Variants in SUMF1 observed in about 807,000 individuals in gnomAD.
SUMF1 encodes the protein formylglycine-generating enzyme.
SUMF1 carries 48 observed loss-of-function variants against 47.6 expected under a neutral mutation model. The observed-to-expected ratio is 1.01, with a 90% confidence interval of 0.80 to 1.28. The LOEUF is 1.28. SUMF1 is among the 50% of genes most tolerant of loss of function. The pLI is 0.00. For synonymous variants in SUMF1, 230 were observed against 192.1 expected (o/e 1.20, Z -1.63); for missense variants, 571 against 485.4 (o/e 1.18, Z -1.66).
chr3:4,133,659 G>A (rs371059672), intron 8 of SUMF1, among the ~76,000 whole-genome samples: 20 of 151,998 alleles, frequency 1.3e-4, no homozygotes, highest in African/African-American at 4.1e-4. Context: ...TCTTTCTCCC[G>A]TGCTGGATGC....
At chr3:4,317,407 G>A in intron 8 of SUMF1, 1 of 611,918 alleles carries the variant, frequency 1.6e-6, no homozygotes, top group East Asian at 2.9e-5. Context: ...ATGTGGCCTG[G>A]CATGGTGGCT....
chr3:4,191,314 C>A (rs559621593), intron 8 of SUMF1, among the ~76,000 whole-genome samples: 1 of 152,156 alleles, frequency 6.6e-6, no homozygotes, highest in Non-Finnish European at 1.5e-5. Flanking sequence ...CAGCAAGCCA[C>A]ACTTTGGTGC....
intron 8 of SUMF1, among the ~76,000 whole-genome samples, chr3:4,183,220 A>T (rs1056664455): frequency 3.3e-5 from 5 of 152,222 alleles, no homozygotes; most frequent in Non-Finnish European, 7.3e-5. Flanking sequence ...AAAATTAAGA[A>T]TGTTTAGTAA....
intron 8 of SUMF1, among the ~76,000 whole-genome samples, chr3:4,210,222 T>C (rs1283180865): frequency 6.6e-6 from 1 of 152,024 alleles, no homozygotes; most frequent in Admixed American, 6.6e-5. Context: ...ACATGTCAAT[T>C]CTCCTCAAAA....
rs1440211464 is a variant in SUMF1 at position 4,211,119 on chromosome 3, T to TATATATATATATATATACAC, written c.1015-142375_1015-142374insGTGTATATATATATATATAT. ...ATAAACTCCCATATATATATATATA[T>TATATATATATATATATACAC]ATACACACACACACACATATATACA... On this transcript the variant is annotated intron_variant and NMD_transcript_variant, in intron 8 of 12. Transcript: ENST00000448413. Among the ~76,000 whole-genome samples the TATATATATATATATATACAC allele has an allele frequency of 9.7e-5, 13 of 133,792 alleles. 1 individual carries two copies. The highest frequency in any genetic ancestry group is 3.8e-4 in the African/African-American group (13 of 33,936). 87.8% of individuals were successfully genotyped at this position (133,792 alleles called of 152,430 possible). A position where few individuals can be genotyped will look rare whatever the true frequency, so the allele number is the denominator to read the frequency against.
chr3:4,263,743 C>A, intron 8 of SUMF1, among the ~76,000 whole-genome samples: 1 of 152,184 alleles, frequency 6.6e-6, no homozygotes. Context: ...TCTCTTAATA[C>A]TGAAGGCATA....
intron 8 of SUMF1, among the ~76,000 whole-genome samples, chr3:4,301,128 G>A (rs933039494): frequency 8.5e-5 from 13 of 152,090 alleles, no homozygotes; most frequent in African/African-American, 2.9e-4. Context: ...ATGTAAAGAG[G>A]GTAACCAATG....
chr3:4,153,188 T>A (rs1694376887), intron 8 of SUMF1, among the ~76,000 whole-genome samples: 1 of 151,480 alleles, frequency 6.6e-6, no homozygotes, highest in South Asian at 2.1e-4. Context: ...CAGAAACATA[T>A]ATTTGATCAA....
Position 4,230,930 on chromosome 3 carries a change from C to T in SUMF1, c.1014+145400G>A, listed in dbSNP as rs867551535. 2.8e-4 allele frequency among the ~76,000 whole-genome samples: 43 copies of T among 152,210 alleles called. No homozygotes were observed. In the Middle Eastern group the frequency reaches 0.02, roughly 72 times the overall value. On this transcript the variant is annotated intron_variant and NMD_transcript_variant, in intron 8 of 12. Coordinates refer to the SUMF1 transcript ENST00000448413. ...ATATGGGTTCCCAAAAGTTACCTTA[C>T]CACAACTTTGAAAAAAGTCTATGCT...
Position 4,433,697 on chromosome 3 carries a change from T to C in SUMF1, c.520-13551A>G, listed in dbSNP as rs73807205. 2.8e-3 allele frequency among the ~76,000 whole-genome samples: 427 copies of C among 152,316 alleles called. 2 individuals carry two copies. The highest frequency in any genetic ancestry group is 9.9e-3 in the African/African-American group (413 of 41,568). Reference sequence around the variant, plus strand: ...TGCTTTCAAAAACTAAATGCTCCCATAGATGATATTCAAATGGCATTCTTT... The same window carrying C: ...TGCTTTCAAAAACTAAATGCTCCCACAGATGATATTCAAATGGCATTCTTT... On this transcript the variant is annotated intron_variant, in intron 3 of 8. Transcript: ENST00000272902.
chr3:4,384,446 T>C (rs1284232460), intron 7 of SUMF1, among the ~76,000 whole-genome samples: 2 of 152,152 alleles, frequency 1.3e-5, no homozygotes, highest in Non-Finnish European at 2.9e-5. Context: ...ATCCCTTACG[T>C]TGCCCTTTTA....
At chr3:4,464,744 G>A (rs1356030710) in intron 1 of SUMF1, among the ~76,000 whole-genome samples, 1 of 152,198 alleles carries the variant, frequency 6.6e-6, no homozygotes, top group African/African-American at 2.4e-5. Flanking sequence ...AAAATAGAGA[G>A]ATTAAGAACA....
intron 8 of SUMF1, among the ~76,000 whole-genome samples, chr3:4,215,259 C>A (rs867694572): frequency 7.2e-5 from 11 of 152,142 alleles, no homozygotes; most frequent in Admixed American, 3.3e-4. Flanking sequence ...AATCAATAAA[C>A]ATAATCCATC....
intron 8 of SUMF1, among the ~76,000 whole-genome samples, chr3:4,375,681 G>C (rs912476506): frequency 6.6e-6 from 1 of 152,116 alleles, no homozygotes; most frequent in African/African-American, 2.4e-5. Context: ...GGGATAGAAA[G>C]CTGGAGTTCA....
chr3:4,139,098 T>C (rs1694012752), intron 8 of SUMF1, among the ~76,000 whole-genome samples: 1 of 152,118 alleles, frequency 6.6e-6, no homozygotes, highest in African/African-American at 2.4e-5. Flanking sequence ...AAACTATTAA[T>C]AATACAGATT....
intron 8 of SUMF1, among the ~76,000 whole-genome samples, chr3:4,209,917 C>G (rs1387689486): frequency 6.6e-6 from 1 of 152,012 alleles, no homozygotes; most frequent in Non-Finnish European, 1.5e-5. Context: ...TTTTTTGAGG[C>G]AGAGTCTCAC....
chr3:4,261,638 G>A (rs1009282148), intron 8 of SUMF1, among the ~76,000 whole-genome samples: 18 of 152,198 alleles, frequency 1.2e-4, no homozygotes, highest in African/African-American at 3.6e-4. Flanking sequence ...CCGAGATCAT[G>A]ATTACAATCA....
At chr3:4,280,351 T>A (rs1697501866) in intron 8 of SUMF1, among the ~76,000 whole-genome samples, 1 of 152,186 alleles carries the variant, frequency 6.6e-6, no homozygotes, top group South Asian at 2.1e-4. Context: ...GTTTGCTTGG[T>A]GCATACTGTA....
intron 8 of SUMF1, among the ~76,000 whole-genome samples, chr3:4,262,353 C>T (rs1461748316): frequency 6.6e-6 from 1 of 152,198 alleles, no homozygotes; most frequent in Non-Finnish European, 1.5e-5. Context: ...TTCACTTCTG[C>T]TCCCAGAAAC....
Sources: gnomAD v4.1 joint callset for allele counts (sites outside exome capture counted in the v4.1 genomes callset) on GRCh38, gnomAD v4.1.1 for gene constraint, MANE v1.5 for transcripts, NCBI Gene and HGNC (gene_info 2026-07-23, HGNC 2026-07-21) for gene names.